Variants in HECW1 observed in about 807,000 individuals in gnomAD.
HECW1 encodes the protein E3 ubiquitin-protein ligase HECW1.
In HECW1, 61 loss-of-function variants were observed where a neutral mutation model predicts 182.3. The observed-to-expected ratio is 0.33, with a 90% CI of 0.27 to 0.41. The LOEUF (loss-of-function observed/expected upper bound fraction) is 0.41, where lower values mean the gene tolerates loss of function less well. Ranked by LOEUF, HECW1 falls within the 10% of genes least tolerant of loss-of-function variation. The pLI is 1.00. For synonymous variants in HECW1, 859 were observed against 832.6 expected, an observed-to-expected ratio of 1.03 and a Z score of -0.55; for missense variants, 1,739 against 2,108.9, an observed-to-expected ratio of 0.82 and a Z score of 3.44.
chr7:43,279,901 C>T (rs1480348569), intron 3 of HECW1, among the ~76,000 whole-genome samples: 11 of 152,226 alleles, frequency 7.2e-5, no homozygotes, highest in Admixed American at 1.3e-4. Flanking sequence ...GGGCCTTTCC[C>T]CTTGGTCAAG....
At chr7:43,172,397 T>G (rs1791785317) in intron 2 of HECW1, among the ~76,000 whole-genome samples, 1 of 149,256 alleles carries the variant, frequency 6.7e-6, no homozygotes, top group East Asian at 2.0e-4. Flanking sequence ...TAGTATTTTC[T>G]AAAAATCTCT....
intron 5 of HECW1, among the ~76,000 whole-genome samples, chr7:43,357,407 T>C (rs1584608565): frequency 1.3e-5 from 2 of 152,260 alleles, no homozygotes; most frequent in East Asian, 1.9e-4. Context: ...ATTCTGTCAT[T>C]TGCAGTAACA....
intron 8 of HECW1, among the ~76,000 whole-genome samples, chr7:43,426,247 T>TAGTA (rs1419596263): frequency 6.6e-6 from 1 of 152,208 alleles, no homozygotes; most frequent in Non-Finnish European, 1.5e-5. Context: ...GCATCCCTTC[T>TAGTA]AGTACTGAAA....
intron 17 of HECW1, among the ~76,000 whole-genome samples, chr7:43,491,042 C>T (rs192606877): frequency 4.7e-4 from 71 of 152,208 alleles, no homozygotes; most frequent in African/African-American, 1.5e-3. Context: ...TGTGAGCCAC[C>T]GCACTGGCAA....
chr7:43,292,657 A>T (rs1462657586), intron 3 of HECW1, among the ~76,000 whole-genome samples: 2 of 152,002 alleles, frequency 1.3e-5, no homozygotes, highest in Non-Finnish European at 2.9e-5. Flanking sequence ...AGAGCTAGGA[A>T]GGTGACCTTT....
intron 24 of HECW1, among the ~76,000 whole-genome samples, chr7:43,512,278 G>T (rs2079912231): frequency 6.6e-6 from 1 of 152,210 alleles, no homozygotes; most frequent in Non-Finnish European, 1.5e-5. Context: ...GATTTGGCCT[G>T]CAGGAAGGAC....
At chr7:43,121,847 C>T (rs544236296) in intron 2 of HECW1, 1 of 152,198 alleles carries the variant, frequency 6.6e-6, no homozygotes, top group African/African-American at 2.4e-5. Context: ...GGGCTTGTCA[C>T]ACTTCTCTTA....
At chr7:43,523,778 G>C (rs926917503) in intron 24 of HECW1, among the ~76,000 whole-genome samples, 3 of 152,136 alleles carry the variant, frequency 2.0e-5, no homozygotes, top group African/African-American at 7.2e-5. Flanking sequence ...TGATATGAGG[G>C]GGATTAGATA....
At chr7:43,324,764 A>G (rs753655400) in intron 5 of HECW1, among the ~76,000 whole-genome samples, 15 of 152,234 alleles carry the variant, frequency 9.9e-5, no homozygotes, top group Non-Finnish European at 2.1e-4. Flanking sequence ...TTGAAGTACA[A>G]CAGAAGCTCA....
At chr7:43,113,387 T>C (rs931177142) in intron 1 of HECW1, among the ~76,000 whole-genome samples, 1 of 150,528 alleles carries the variant, frequency 6.6e-6, no homozygotes, top group African/African-American at 2.4e-5. Flanking sequence ...TTTTGAACAA[T>C]TGTGTCCCAT....
chr7:43,290,093 A>C (rs972585559), intron 3 of HECW1, among the ~76,000 whole-genome samples: 4 of 152,134 alleles, frequency 2.6e-5, no homozygotes, highest in African/African-American at 9.7e-5. Context: ...AAGGTGTCAG[A>C]CTCTTACTTA....
intron 2 of HECW1, among the ~76,000 whole-genome samples, chr7:43,160,892 C>T (rs1297530704): frequency 6.6e-6 from 1 of 151,964 alleles, no homozygotes; most frequent in African/African-American, 2.4e-5. Flanking sequence ...TTACAGTTGT[C>T]GTATTTATTT....
chr7:43,231,766 C>CA (rs1797893148), intron 2 of HECW1, among the ~76,000 whole-genome samples: 1 of 151,944 alleles, frequency 6.6e-6, no homozygotes, highest in Non-Finnish European at 1.5e-5. Context: ...CCTGTAATCC[C>CA]AGCACTTTGG....
chr7:43,450,911 G>A lies in HECW1; in HGVS notation c.2482G>A (p.Asp828Asn), dbSNP rs775546507. The A allele has an allele frequency of 4.5e-5, 72 of 1,610,412 alleles. No homozygotes were observed. The highest frequency in any genetic ancestry group is 8.3e-5 in the Admixed American group (5 of 59,988). The change falls in exon 12 of 30, where the codon GAT becomes AAT. Residue 828 changes from aspartate (D) to asparagine (N), a missense_variant. By Grantham distance (23) the Asp-to-Asn change is conservative. Coordinates refer to ENST00000395891, the MANE Select transcript of HECW1 (RefSeq NM_015052.5). ...TGAACATCATCACTACCCAACAATC[G>A]ATGAGCCTCTTCCACCAAGTAAGCT... Reference protein sequence around the residue: ...RPEHHHYPTIDEPLPPNWEAR... With the variant: ...RPEHHHYPTINEPLPPNWEAR...
chr7:43,363,572 T>C (rs1816235507), intron 6 of HECW1, among the ~76,000 whole-genome samples: 1 of 152,172 alleles, frequency 6.6e-6, no homozygotes, highest in Non-Finnish European at 1.5e-5. Context: ...GCATAGCCCC[T>C]CTGCCACCAG....
intron 26 of HECW1, among the ~76,000 whole-genome samples, chr7:43,548,713 G>A (rs986072251): frequency 6.6e-5 from 10 of 152,282 alleles, no homozygotes; most frequent in Admixed American, 2.0e-4. Context: ...AGGCCAAGGC[G>A]GGTGGATCGC....
At chr7:43,348,686 C>G (rs1362642207) in intron 5 of HECW1, among the ~76,000 whole-genome samples, 2 of 152,128 alleles carry the variant, frequency 1.3e-5, no homozygotes, top group Non-Finnish European at 2.9e-5. Flanking sequence ...TTTGCTGTAT[C>G]CCAGAGGTTT....
chr7:43,154,329 A>G (rs536176217), intron 2 of HECW1, among the ~76,000 whole-genome samples: 2 of 152,294 alleles, frequency 1.3e-5, no homozygotes, highest in South Asian at 4.1e-4. Context: ...CAAGTTTGAT[A>G]TGTACTATTA....
intron 2 of HECW1, among the ~76,000 whole-genome samples, chr7:43,141,125 ACCAATGGTCTGGTCTG>A (rs1317056039): frequency 6.6e-6 from 1 of 152,196 alleles, no homozygotes; most frequent in African/African-American, 2.4e-5. Context: ...GAGAAAGCTG[ACCAATGGTCTGGTCTG>A]CCAGCACTGC....
Sources: allele counts gnomAD v4.1 joint callset (sites outside exome capture counted in the v4.1 genomes callset), GRCh38; gene constraint gnomAD v4.1.1; transcripts MANE v1.5; gene names NCBI Gene and HGNC (gene_info 2026-07-23, HGNC 2026-07-21).